The following KCNK5 variants were observed in gnomAD, a reference collection of about 807,000 sequenced individuals.
KCNK5 encodes the protein potassium channel subfamily K member 5.
Under a neutral mutation model 32.9 loss-of-function variants are expected in KCNK5, and 18 were observed. The ratio of observed to expected loss-of-function variants is 0.55; its 90% confidence interval spans 0.38 to 0.81. The LOEUF is 0.81. KCNK5 is among the 30% of genes least tolerant of loss of function. KCNK5 has a pLI of 0.00. For missense variants in KCNK5, 507 were observed against 651.0 expected (o/e 0.78, Z 2.41); for synonymous variants, 276 against 275.3 (o/e 1.00, Z -0.03).
chr6:39,196,495 G>T (rs765564016), intron 1 of KCNK5, among the ~76,000 whole-genome samples: 4 of 152,174 alleles, frequency 2.6e-5, no homozygotes, highest in Non-Finnish European at 5.9e-5. Context: ...TGTTCTACCT[G>T]CAGAGACCAG....
intron 4 of KCNK5, among the ~76,000 whole-genome samples, chr6:39,193,653 G>A (rs1185092889): frequency 1.3e-5 from 2 of 152,224 alleles, no homozygotes; most frequent in African/African-American, 2.4e-5. Flanking sequence ...GTCAGGGCTG[G>A]GGGCAGGGCA....
intron 1 of KCNK5, among the ~76,000 whole-genome samples, chr6:39,202,871 C>T (rs1003232956): frequency 4.6e-5 from 7 of 152,136 alleles, no homozygotes; most frequent in African/African-American, 9.7e-5. Flanking sequence ...AGGGGTCTCT[C>T]GATGGCTGGC....
At position 39,191,402 on chromosome 6, in the gene KCNK5, G is replaced by C. The variant is rs1205814072; in HGVS notation, c.988C>G (p.Gln330Glu). The C allele has an allele frequency of 4.3e-6, 7 of 1,613,246 alleles. No individual in the cohort carries two copies. Among genetic ancestry groups the C allele is most frequent in the Non-Finnish European group, 5.9e-6 (7 of 1,179,988 alleles). The change falls in exon 5 of 5, where the codon CAA (glutamine) becomes GAA (glutamate). Residue 330 changes from glutamine (Q) to glutamate (E), a missense_variant. Physicochemically the swap from Gln to Glu is conservative, Grantham distance 29 (BLOSUM62 2). Transcript: ENST00000359534. This position sits in a 1 kb window ranked among gnomAD's most constrained non-coding sequence, Gnocchi z 5.8. ...GGCAGTGCTGGGAGCCCACCGCCTT[G>C]AGGCCCCAGCCCTGGGCCCGGGCCC... ...ETGPGPGLGPQGGGLPALPPS... is the reference protein window; with the variant it reads ...ETGPGPGLGPEGGGLPALPPS...
chr6:39,206,624 A>C (rs1459141468), intron 1 of KCNK5, among the ~76,000 whole-genome samples: 1 of 152,128 alleles, frequency 6.6e-6, no homozygotes, highest in Non-Finnish European at 1.5e-5. Flanking sequence ...CTGGCACACA[A>C]GCTGGGCTGG....
Position 39,191,353 on chromosome 6 carries a change from A to C in KCNK5, c.1037T>G (p.Val346Gly), listed in dbSNP as rs532038790. 3 of 1,613,730 alleles carry C rather than the reference A, an allele frequency of 1.9e-6. No individual in the cohort carries two copies. The highest frequency in any genetic ancestry group is 2.5e-6 in the Non-Finnish European group (3 of 1,179,962). ...GGTGGGCACCCGGTTCTTGGAGTAGACTACCAGGGGCACCAGGGAAGGGGG... is the reference window on the plus strand; with the variant it reads ...GGTGGGCACCCGGTTCTTGGAGTAGCCTACCAGGGGCACCAGGGAAGGGGG... ...ALPPSLVPLV[V>G]YSKNRVPTLE... Residue 346 changes from valine (V) to glycine (G), a missense_variant, in exon 5 of 5, where the codon GTC becomes GGC. Physicochemically the swap from Val to Gly is moderately radical, Grantham distance 109. Around this residue, in one of 6 missense-constraint regions of KCNK5, gnomAD observed 252 missense variants for 250.8 expected, o/e 1.00. Transcript: ENST00000359534. This position sits in a 1 kb window ranked among gnomAD's most constrained non-coding sequence, Gnocchi z 5.8.
At chr6:39,199,686 C>CCTGCCCCTGGG (rs1771096236) in intron 1 of KCNK5, among the ~76,000 whole-genome samples, 1 of 152,190 alleles carries the variant, frequency 6.6e-6, no homozygotes, top group Non-Finnish European at 1.5e-5. Flanking sequence ...CCTGGGTCTG[C>CCTGCCCCTGGG]CTGCCCCTGG....
In KCNK5 at chr6:39,190,742, T is replaced by C. The variant is rs1770906300; in HGVS notation, c.*148A>G. On this transcript the variant is annotated 3_prime_UTR_variant, in exon 5 of 5. Transcript: ENST00000359534. ...TCCCGGGCATACATCTAGCTGAGGA[T>C]GATGGAAGGTTAGGAAGGCCCCTGG... 1 of 698,170 alleles carries C rather than the reference T, an allele frequency of 1.4e-6. No individual in the cohort carries two copies. Among genetic ancestry groups the C allele is most frequent in the Non-Finnish European group, 2.2e-6 (1 of 454,050 alleles). The allele number at this position is 698,170 out of a possible 1,614,324, so 43.2% of individuals were successfully genotyped here.
intron 1 of KCNK5, among the ~76,000 whole-genome samples, chr6:39,201,448 T>C (rs1445623986): frequency 6.6e-6 from 1 of 151,934 alleles, no homozygotes; most frequent in East Asian, 1.9e-4. Flanking sequence ...ACGGGGTTTC[T>C]CCATGTCGGT....
At chr6:39,224,163 C>T (rs987767377) in intron 1 of KCNK5, among the ~76,000 whole-genome samples, 4 of 148,956 alleles carry the variant, frequency 2.7e-5, no homozygotes, top group Non-Finnish European at 5.9e-5. Context: ...GGGACCTCTT[C>T]AATTTCCTCT....
rs1770947351 is a variant in KCNK5, at chr6:39,191,981, C to G, written c.635-226G>C. 6.6e-6 allele frequency among the ~76,000 whole-genome samples: 1 copy of G among 152,092 alleles called. No homozygotes were observed. The highest frequency in any genetic ancestry group is 1.5e-5 in the Non-Finnish European group (1 of 68,024). On this transcript the variant is annotated intron_variant, in intron 4 of 4. Coordinates refer to ENST00000359534, the MANE Select transcript of KCNK5 (RefSeq NM_003740.4). This position sits in a 1 kb window ranked among gnomAD's most constrained non-coding sequence, Gnocchi z 5.8. ...CCCAGTCTCCAGCCTGTCTCTGAGT[C>G]TCGGTTTCCTCAACTAGAAACGTCA...
rs763471097 is a variant in KCNK5 at position 39,190,132 on chromosome 6, T to A, written c.*758A>T. The A allele has an allele frequency of 6.6e-6, 1 of 152,436 alleles. No homozygotes were observed. Among genetic ancestry groups the A allele is most frequent in the African/African-American group, 2.4e-5 (1 of 41,398 alleles). The allele number at this position is 152,436 out of a possible 1,614,324, so 9.4% of individuals were successfully genotyped here. A position where few individuals can be genotyped will look rare whatever the true frequency, so the allele number is the denominator to read the frequency against. ...CTCTGCTACTCTCCCTCCTACCACT[T>A]GGGGGCCCACAGAAAGCCTTGCGTC... On this transcript the variant is annotated 3_prime_UTR_variant, in exon 5 of 5. Transcript: ENST00000359534.
intron 1 of KCNK5, among the ~76,000 whole-genome samples, chr6:39,198,203 T>C (rs745583605): frequency 3.9e-5 from 6 of 152,234 alleles, no homozygotes; most frequent in Non-Finnish European, 5.9e-5. Flanking sequence ...AAGAAATTCA[T>C]GTGGACAAGA....
At chr6:39,221,272 C>T (rs867259511) in intron 1 of KCNK5, among the ~76,000 whole-genome samples, 13 of 152,286 alleles carry the variant, frequency 8.5e-5, no homozygotes, top group South Asian at 4.1e-4. Flanking sequence ...GCCCCCACAG[C>T]CTGTGGCCAA....
intron 1 of KCNK5, among the ~76,000 whole-genome samples, chr6:39,215,921 T>C (rs1362101873): frequency 6.6e-6 from 1 of 152,182 alleles, no homozygotes; most frequent in Non-Finnish European, 1.5e-5. Flanking sequence ...GGGGAGGGGC[T>C]GGGGATTGAG....
At chr6:39,215,102 T>C (rs1159782754) in intron 1 of KCNK5, among the ~76,000 whole-genome samples, 1 of 152,128 alleles carries the variant, frequency 6.6e-6, no homozygotes, top group Non-Finnish European at 1.5e-5. Flanking sequence ...CTCCCAACTG[T>C]GGGTGAGTCC....
chr6:39,195,033 C>T (rs979738214), intron 2 of KCNK5, among the ~76,000 whole-genome samples: 5 of 152,158 alleles, frequency 3.3e-5, no homozygotes, highest in Admixed American at 3.3e-4. Context: ...TATATGGTAC[C>T]ACTGTGCAAG....
intron 1 of KCNK5, among the ~76,000 whole-genome samples, chr6:39,217,514 T>C (rs1428889073): frequency 6.6e-6 from 1 of 152,176 alleles, no homozygotes; most frequent in Non-Finnish European, 1.5e-5. Flanking sequence ...CTTCCCTAAT[T>C]GCCCCCACTT....
At chr6:39,215,231 G>A (rs1436534712) in intron 1 of KCNK5, among the ~76,000 whole-genome samples, 1 of 152,064 alleles carries the variant, frequency 6.6e-6, no homozygotes, top group Non-Finnish European at 1.5e-5. Flanking sequence ...CTGCTAACCC[G>A]GGGGGTGCTG....
chr6:39,227,425 G>A (rs1338018797), intron 1 of KCNK5, among the ~76,000 whole-genome samples: 1 of 152,044 alleles, frequency 6.6e-6, no homozygotes, highest in Non-Finnish European at 1.5e-5. Flanking sequence ...AAGCCATGTA[G>A]ACTCTTCATG....
Sources: gnomAD v4.1 joint callset for allele counts (sites outside exome capture counted in the v4.1 genomes callset) on GRCh38, gnomAD v4.1.1 for gene constraint, gnomAD v4.1.1 regional missense constraint, Gnocchi (gnomAD v3.1) non-coding constraint, MANE v1.5 for transcripts, NCBI Gene and HGNC (gene_info 2026-07-23, HGNC 2026-07-21) for gene names.